Variants in SEMA5A observed in about 807,000 individuals in gnomAD.
SEMA5A encodes semaphorin 5A.
SEMA5A carries 55 observed loss-of-function variants against 135.5 expected under a neutral mutation model. The observed-to-expected ratio is 0.41, with a 90% CI of 0.33 to 0.51. The LOEUF is 0.51. Ranked by LOEUF, SEMA5A falls within the 20% of genes least tolerant of loss-of-function variation. The probability of loss-of-function intolerance (pLI) is 0.37; values close to 1 mark genes in which losing one functional copy is unlikely to be tolerated. For synonymous variants in SEMA5A, 580 were observed against 546.5 expected (o/e 1.06, Z -0.85); for missense variants, 1,290 against 1,419.9 (o/e 0.91, Z 1.47).
At chr5:9,104,304 A>G (rs1234476294) in intron 16 of SEMA5A, among the ~76,000 whole-genome samples, 1 of 152,234 alleles carries the variant, frequency 6.6e-6, no homozygotes, top group Non-Finnish European at 1.5e-5. Context: ...AGTGCATGGC[A>G]TGTAGTAGGC....
chr5:9,456,301 T>C (rs566426457), intron 1 of SEMA5A, among the ~76,000 whole-genome samples: 1 of 152,324 alleles, frequency 6.6e-6, no homozygotes, highest in African/African-American at 2.4e-5. Context: ...AGGTTTATCC[T>C]CTTCTGCAAC....
At chr5:9,248,424 G>A (rs1455913480) in intron 5 of SEMA5A, among the ~76,000 whole-genome samples, 1 of 151,986 alleles carries the variant, frequency 6.6e-6, no homozygotes, top group Non-Finnish European at 1.5e-5. Flanking sequence ...TAAATTAATT[G>A]CCTACACCAA....
chr5:9,514,168 C>T (rs1736376347), intron 1 of SEMA5A, among the ~76,000 whole-genome samples: 1 of 152,180 alleles, frequency 6.6e-6, no homozygotes, highest in South Asian at 2.1e-4. Context: ...TCTCTCTGCT[C>T]CATCTTCACA....
chr5:9,308,436 C>T lies in SEMA5A; in HGVS notation c.270+9936G>A, dbSNP rs528117236. ...TATGCTCTAGAGCTGCATCTGGGAT[C>T]GGGTTGAGGCTATACTCCAGCTGAC... On this transcript the variant is annotated intron_variant, in intron 5 of 22. Transcript: ENST00000382496. Among the ~76,000 whole-genome samples the T allele has an allele frequency of 3.3e-5, 5 of 152,236 alleles. No individual in the cohort carries two copies. The East Asian group carries it at 7.7e-4, about 24-fold the overall frequency.
At chr5:9,195,375 T>C (rs1745333140) in intron 10 of SEMA5A, among the ~76,000 whole-genome samples, 1 of 152,152 alleles carries the variant, frequency 6.6e-6, no homozygotes, top group Non-Finnish European at 1.5e-5. Context: ...TCTCACTCTG[T>C]TACCCAGGCT....
chr5:9,381,975 TGTGTGTGCGCGC>T (rs1439944312), intron 2 of SEMA5A, among the ~76,000 whole-genome samples: 49 of 112,568 alleles, frequency 4.4e-4, no homozygotes, highest in African/African-American at 1.3e-3. Flanking sequence ...TGTGTGTGTG[TGTGTGTGCGCGC>T]GCGCGCACAT....
At chr5:9,375,007 C>A (rs1227913638) in intron 3 of SEMA5A, among the ~76,000 whole-genome samples, 1 of 152,166 alleles carries the variant, frequency 6.6e-6, no homozygotes, top group African/African-American at 2.4e-5. Context: ...CTTCCCATCG[C>A]CATTTGAGGA....
intron 3 of SEMA5A, among the ~76,000 whole-genome samples, chr5:9,353,309 G>GA (rs1579398079): frequency 2.4e-5 from 2 of 84,730 alleles, no homozygotes; most frequent in African/African-American, 8.8e-5. Context: ...GAAGGGAAGG[G>GA]AAGGGAAAGG....
intron 12 of SEMA5A, among the ~76,000 whole-genome samples, chr5:9,147,503 C>A (rs1236639366): frequency 6.6e-6 from 1 of 152,032 alleles, no homozygotes; most frequent in East Asian, 1.9e-4. Context: ...AACTCCTGAC[C>A]TCTTGATCCA....
intron 5 of SEMA5A, among the ~76,000 whole-genome samples, chr5:9,297,150 C>T (rs1349291501): frequency 6.7e-6 from 1 of 149,946 alleles, no homozygotes; most frequent in Non-Finnish European, 1.5e-5. Context: ...CAAATTCAAC[C>T]TAAAAAAATA....
chr5:9,084,023 T>C (rs1479640698), intron 16 of SEMA5A, among the ~76,000 whole-genome samples: 1 of 152,218 alleles, frequency 6.6e-6, no homozygotes, highest in Non-Finnish European at 1.5e-5. Context: ...AAGTGGAATA[T>C]CATTGCTAAC....
At chr5:9,486,352 T>C (rs1734724291) in intron 1 of SEMA5A, among the ~76,000 whole-genome samples, 1 of 152,190 alleles carries the variant, frequency 6.6e-6, no homozygotes. Context: ...GATGATGGGT[T>C]GATAGGTGCA....
chr5:9,063,125 A>AG lies in SEMA5A; in HGVS notation c.2300-21dup. ...AAAGCCCTGCCAAGGAAACAGGTGA[A>AG]GTGTGATTCTGTTACAAGTTTCAGA... is the stretch of plus-strand genomic sequence containing the variant. On this transcript the variant is annotated intron_variant, in intron 17 of 22. Coordinates refer to ENST00000382496, the MANE Select transcript of SEMA5A (RefSeq NM_003966.3). 1.9e-6 allele frequency: 3 copies of AG among 1,595,642 alleles called. No homozygotes were observed. The highest frequency in any genetic ancestry group is 2.6e-6 in the Non-Finnish European group (3 of 1,169,202).
intron 1 of SEMA5A, among the ~76,000 whole-genome samples, chr5:9,440,745 C>T (rs1758202922): frequency 1.3e-5 from 2 of 152,232 alleles, no homozygotes; most frequent in African/African-American, 2.4e-5. Flanking sequence ...GCAACCTTCT[C>T]CCTGCCCAAC....
chr5:9,046,798 G>A (rs776979687), intron 21 of SEMA5A, among the ~76,000 whole-genome samples: 4 of 152,218 alleles, frequency 2.6e-5, no homozygotes, highest in Non-Finnish European at 5.9e-5. Flanking sequence ...CATGGACACT[G>A]TGAAGGGAGG....
intron 1 of SEMA5A, among the ~76,000 whole-genome samples, chr5:9,527,364 T>C (rs1479498497): frequency 6.6e-6 from 1 of 152,216 alleles, no homozygotes; most frequent in Admixed American, 6.5e-5. Context: ...AAGCAGAAGA[T>C]GCCCAGCATA....
intron 8 of SEMA5A, among the ~76,000 whole-genome samples, chr5:9,213,783 T>A (rs1579628449): frequency 1.3e-5 from 2 of 152,108 alleles, no homozygotes. Flanking sequence ...TATAGAAAAG[T>A]TTGCTGAGCT....
At position 9,066,407 on chromosome 5, in the gene SEMA5A, G is replaced by A; in HGVS notation, c.2299+14C>T. 2 of 1,612,310 alleles carry A rather than the reference G, an allele frequency of 1.2e-6. No individual in the cohort carries two copies. Among genetic ancestry groups the A allele is most frequent in the Non-Finnish European group, 1.7e-6 (2 of 1,178,318 alleles). On this transcript the variant is annotated intron_variant, in intron 17 of 22. Transcript: ENST00000382496. ...CCATGGAAGTGGGTCAGTCCCCACG[G>A]AATCACTACTCACCATCTGTGGAGC...
At chr5:9,196,543 T>C (rs148692235) in intron 10 of SEMA5A, among the ~76,000 whole-genome samples, 139 of 152,322 alleles carry the variant, frequency 9.1e-4, no homozygotes, top group African/African-American at 3.2e-3. Context: ...AACTGACTAA[T>C]ACACCTGCCA....
Sources: gnomAD v4.1 joint callset for allele counts (sites outside exome capture counted in the v4.1 genomes callset) on GRCh38, gnomAD v4.1.1 for gene constraint, MANE v1.5 for transcripts, NCBI Gene and HGNC (gene_info 2026-07-23, HGNC 2026-07-21) for gene names.